The following CASP8 variants were observed in gnomAD, a reference collection of about 807,000 sequenced individuals.
The protein encoded by CASP8 is caspase 8, also known as caspase-8.
A neutral mutation model predicts 46.3 loss-of-function variants in CASP8; 24 were observed. The ratio of observed to expected loss-of-function variants is 0.52; its 90% CI spans 0.38 to 0.73. The LOEUF is 0.73. Among genes scored for constraint, CASP8 ranks in the 30% least tolerant of loss-of-function variants. The probability of loss-of-function intolerance (pLI) is 0.00; values close to 1 mark genes in which losing one functional copy is unlikely to be tolerated. For missense variants in CASP8, 460 were observed against 559.0 expected (o/e 0.82, Z 1.79); for synonymous variants, 188 against 200.4 (o/e 0.94, Z 0.52).
chr2:201,271,484 G>T (rs369485669), intron 2 of CASP8, 32 bp from the exon 3 acceptor site: 52 of 1,311,962 alleles, frequency 4.0e-5, no homozygotes, highest in African/African-American at 3.9e-4. Context: ...TTTGGGAAAA[G>T]ATTTCTAAAG....
At chr2:201,278,807 CAGGTGTG>C (rs1948816956) in intron 7 of CASP8, among the ~76,000 whole-genome samples, 1 of 152,178 alleles carries the variant, frequency 6.6e-6, no homozygotes, top group Non-Finnish European at 1.5e-5. Flanking sequence ...GCTGGGATTA[CAGGTGTG>C]AGCCACTGCA....
chr2:201,259,152 T>G (rs960407929), upstream of CASP8, among the ~76,000 whole-genome samples: 16 of 152,204 alleles, frequency 1.1e-4, no homozygotes, highest in Admixed American at 1.0e-3. Flanking sequence ...TTTATTTTGC[T>G]CATTCTGTTT....
intron 7 of CASP8, among the ~76,000 whole-genome samples, chr2:201,283,217 G>A (rs1346994686): frequency 1.2e-5 from 1 of 84,560 alleles, no homozygotes; most frequent in South Asian, 6.1e-4. Flanking sequence ...GGCCAGGCGG[G>A]GGGCTGACCC....
At chr2:201,258,327 G>A (rs1947133169), upstream of CASP8, 3 of 1,614,092 alleles carry the variant, frequency 1.9e-6, no homozygotes, top group East Asian at 2.2e-5. Context: ...AGCACGTGGA[G>A]TTAGGCAGGT....
At chr2:201,262,522 CAT>C (rs1276956284) in intron 1 of CASP8, among the ~76,000 whole-genome samples, 2 of 151,940 alleles carry the variant, frequency 1.3e-5, no homozygotes, top group African/African-American at 2.4e-5. Flanking sequence ...TTCAAATTTA[CAT>C]ATGTTATATA....
rs747412250 is a variant in CASP8 at position 201,266,511 on chromosome 2, G to A, written c.25G>A (p.Asp9Asn). The A allele has an allele frequency of 6.2e-7, 1 of 1,614,152 alleles. No individual in the cohort carries two copies. The highest frequency in any genetic ancestry group is 1.7e-5 in the Admixed American group (1 of 60,018). The change falls in exon 2 of 9, where the codon GAT becomes AAT. Residue 9 changes from aspartate (D) to asparagine (N), a missense_variant. Physicochemically the swap from Asp to Asn is conservative, Grantham distance 23 (BLOSUM62 1). Transcript: ENST00000673742. The surrounding 1 kb of genome is among the most constrained non-coding windows in gnomAD (Gnocchi z 5.7). ...GATGGACTTCAGCAGAAATCTTTAT[G>A]ATATTGGGGAACAACTGGACAGTGA... MDFSRNLY[D>N]IGEQLDSEDL...
intron 2 of CASP8, among the ~76,000 whole-genome samples, chr2:201,268,153 G>C (rs1251287088): frequency 6.6e-6 from 1 of 152,194 alleles, no homozygotes; most frequent in Non-Finnish European, 1.5e-5. Context: ...TCGAACTCCT[G>C]ACCTTAAGTT....
At chr2:201,265,839 T>C (rs138461547) in intron 1 of CASP8, among the ~76,000 whole-genome samples, 2 of 152,330 alleles carry the variant, frequency 1.3e-5, no homozygotes, top group Non-Finnish European at 2.9e-5. Context: ...CCTGTAAGAA[T>C]TGTGCTTTCT....
chr2:201,281,268 T>C (rs1442748664), intron 7 of CASP8, among the ~76,000 whole-genome samples: 2 of 152,062 alleles, frequency 1.3e-5, no homozygotes, highest in East Asian at 1.9e-4. Flanking sequence ...GAGCTGAGAT[T>C]GTGACACTGC....
intron 7 of CASP8, chr2:201,281,782 C>T: frequency 8.3e-7 from 1 of 1,205,374 alleles, no homozygotes; most frequent in South Asian, 1.3e-5. Flanking sequence ...AACTAGTTTA[C>T]TAGAGAAAAC....
At chr2:201,279,969 T>A (rs1948896786) in intron 7 of CASP8, among the ~76,000 whole-genome samples, 1 of 151,512 alleles carries the variant, frequency 6.6e-6, no homozygotes, top group Non-Finnish European at 1.5e-5. Context: ...ATAAATAAAT[T>A]ACTAGATAAA....
intron 7 of CASP8, among the ~76,000 whole-genome samples, chr2:201,277,450 TC>T (rs1369763491): frequency 6.6e-6 from 1 of 152,082 alleles, no homozygotes; most frequent in Non-Finnish European, 1.5e-5. Context: ...TAAGCTAAGA[TC>T]AAGAACTTAC....
At chr2:201,261,595 C>T (rs750254529) in intron 1 of CASP8, among the ~76,000 whole-genome samples, 3 of 152,012 alleles carry the variant, frequency 2.0e-5, no homozygotes, top group Admixed American at 6.6e-5. Context: ...GTTTGAATGC[C>T]GTGGCTGCAG....
chr2:201,247,835 A>C (rs779366720), intron 2 of CASP8, among the ~76,000 whole-genome samples: 27 of 152,092 alleles, frequency 1.8e-4, no homozygotes, highest in Non-Finnish European at 2.5e-4. Flanking sequence ...TAGTGGAGAC[A>C]GCGTTTCACT....
At chr2:201,251,895 A>T (rs1946803816) in intron 2 of CASP8, among the ~76,000 whole-genome samples, 2 of 151,102 alleles carry the variant, frequency 1.3e-5, no homozygotes, top group South Asian at 4.2e-4. Flanking sequence ...ACAGAGTGAG[A>T]CTCCGTCTAA....
chr2:201,273,074 TTG>T, intron 5 of CASP8, 132 bp downstream of exon 5: 1 of 784,592 alleles, frequency 1.3e-6, no homozygotes, highest in Non-Finnish European at 2.1e-6. Context: ...TTTTTTTTTT[TTG>T]TGAGACAGTT....
chr2:201,259,925 CAG>C (rs1160725837), upstream of CASP8, among the ~76,000 whole-genome samples: 2 of 147,434 alleles, frequency 1.4e-5, no homozygotes, highest in Non-Finnish European at 3.0e-5. Context: ...TTTTTTATTT[CAG>C]AGTTTTTTCT....
intron 2 of CASP8, among the ~76,000 whole-genome samples, chr2:201,243,278 C>T (rs999724237): frequency 2.0e-5 from 3 of 151,978 alleles, no homozygotes; most frequent in African/African-American, 7.3e-5. Flanking sequence ...AAAAGGATTC[C>T]TATACATAGG....
chr2:201,238,017 C>T (rs1052320213), intron 2 of CASP8, among the ~76,000 whole-genome samples: 3 of 152,138 alleles, frequency 2.0e-5, no homozygotes, highest in South Asian at 2.1e-4. Context: ...GCAAGAAGAA[C>T]GTGAATGAAA....
Sources: allele counts gnomAD v4.1 joint callset (sites outside exome capture counted in the v4.1 genomes callset), GRCh38; gene constraint gnomAD v4.1.1; non-coding constraint Gnocchi (gnomAD v3.1); transcripts MANE v1.5; gene names NCBI Gene and HGNC (gene_info 2026-07-23, HGNC 2026-07-21).